The following MFSD6 variants were observed in gnomAD, a reference collection of about 807,000 sequenced individuals.
The protein encoded by MFSD6 is major facilitator superfamily domain containing 6, also known as major facilitator superfamily domain-containing protein 6.
MFSD6 carries 26 observed loss-of-function variants against 56.3 expected under a neutral mutation model. That is an observed-to-expected ratio of 0.46 (90% CI 0.34 to 0.64). MFSD6 has a LOEUF of 0.64. MFSD6 is among the 30% of genes least tolerant of loss of function. The pLI is 0.01. For missense variants in MFSD6, 750 were observed against 986.2 expected (o/e 0.76, Z 3.21); for synonymous variants, 331 against 366.9 (o/e 0.90, Z 1.12).
intron 3 of MFSD6, chr2:190,464,751 A>T (rs1204299089): frequency 1.1e-5 from 2 of 183,424 alleles, no homozygotes; most frequent in Non-Finnish European, 2.1e-5. Flanking sequence ...TTATTTGTTT[A>T]TGTGTTTGTC....
intron 4 of MFSD6, among the ~76,000 whole-genome samples, chr2:190,474,686 A>G (rs1688177927): frequency 6.6e-6 from 1 of 152,268 alleles, no homozygotes; most frequent in South Asian, 2.1e-4. Flanking sequence ...AATCAAGAGA[A>G]AAAGAGGGAA....
chr2:190,464,651 A>AG (rs1225471588), intron 3 of MFSD6, among the ~76,000 whole-genome samples: 1 of 152,058 alleles, frequency 6.6e-6, no homozygotes, highest in African/African-American at 2.4e-5. Context: ...CTTCTAACTC[A>AG]GGTGGCCTCA....
At chr2:190,449,343 G>A (rs1479355163) in intron 3 of MFSD6, among the ~76,000 whole-genome samples, 6 of 151,934 alleles carry the variant, frequency 3.9e-5, no homozygotes, top group Non-Finnish European at 2.9e-5. Context: ...GCATGGTGGC[G>A]GGCACTTGTA....
Position 190,438,021 on chromosome 2 carries a change from G to A in MFSD6, c.1532+460G>A, listed in dbSNP as rs1273754377. 6.6e-6 allele frequency among the ~76,000 whole-genome samples: 1 copy of A among 152,108 alleles called. No individual in the cohort carries two copies. Among genetic ancestry groups the A allele is most frequent in the Admixed American group, 6.5e-5 (1 of 15,282 alleles). On this transcript the variant is annotated intron_variant, in intron 3 of 7. Coordinates refer to ENST00000392328, the MANE Select transcript of MFSD6 (RefSeq NM_017694.4). This position sits in a 1 kb window ranked among gnomAD's most constrained non-coding sequence, Gnocchi z 5.2. ...AGAGCCTGAATATATGGCATCTAAA[G>A]ATGTCCATTATATCTAATAAGACTG...
At chr2:190,453,857 G>A (rs1686875260) in intron 3 of MFSD6, among the ~76,000 whole-genome samples, 2 of 152,168 alleles carry the variant, frequency 1.3e-5, no homozygotes, top group South Asian at 4.1e-4. Context: ...AACTGAGAAA[G>A]AAAACAAGAC....
In MFSD6 at chr2:190,423,192, C is replaced by G. The variant is rs1685683651; in HGVS notation, c.-54+7779C>G. ...CTTGCAAAACTATAGCATAATAGCACCATTGACATTGAGGCAGTCAAGATA... is the reference window on the plus strand; with the variant it reads ...CTTGCAAAACTATAGCATAATAGCAGCATTGACATTGAGGCAGTCAAGATA... On this transcript the variant is annotated intron_variant, in intron 2 of 7. Transcript: ENST00000392328. This position sits in a 1 kb window ranked among gnomAD's most constrained non-coding sequence, Gnocchi z 4.3. 6.6e-6 allele frequency among the ~76,000 whole-genome samples: 1 copy of G among 152,162 alleles called. No homozygotes were observed. Among genetic ancestry groups the G allele is most frequent in the Non-Finnish European group, 1.5e-5 (1 of 68,034 alleles).
chr2:190,415,759 G>A lies in MFSD6; in HGVS notation c.-54+346G>A, dbSNP rs923630673. Among the ~76,000 whole-genome samples the A allele has an allele frequency of 6.6e-6, 1 of 152,176 alleles. No homozygotes were observed. The highest frequency in any genetic ancestry group is 1.5e-5 in the Non-Finnish European group (1 of 68,032). On this transcript the variant is annotated intron_variant, in intron 2 of 7. Coordinates refer to ENST00000392328, the MANE Select transcript of MFSD6 (RefSeq NM_017694.4). This position sits in a 1 kb window ranked among gnomAD's most constrained non-coding sequence, Gnocchi z 4.5. ...TTAGACTATAGCACATTTAGGGGATGTAAGTAAAAATAACTGATGATAGTC... is the reference window on the plus strand; with the variant it reads ...TTAGACTATAGCACATTTAGGGGATATAAGTAAAAATAACTGATGATAGTC...
intron 4 of MFSD6, among the ~76,000 whole-genome samples, chr2:190,473,122 C>G (rs1262557063): frequency 1.3e-5 from 2 of 152,202 alleles, no homozygotes; most frequent in African/African-American, 4.8e-5. Context: ...GTACCAGCTA[C>G]TGCAAAAACA....
At position 190,451,171 on chromosome 2, in the gene MFSD6, G is replaced by A. The variant is rs984215123; in HGVS notation, c.1532+13610G>A. 6.6e-6 allele frequency among the ~76,000 whole-genome samples: 1 copy of A among 152,164 alleles called. No individual in the cohort carries two copies. Among genetic ancestry groups the A allele is most frequent in the Admixed American group, 6.5e-5 (1 of 15,274 alleles). On this transcript the variant is annotated intron_variant, in intron 3 of 7. Coordinates refer to ENST00000392328, the MANE Select transcript of MFSD6 (RefSeq NM_017694.4). The surrounding 1 kb of genome is among the most constrained non-coding windows in gnomAD (Gnocchi z 5.0). ...AGTGTATGTGTGTGTATATGTACATGTGTGCATTTGATCTAGATTCAAATC... is the reference window on the plus strand; with the variant it reads ...AGTGTATGTGTGTGTATATGTACATATGTGCATTTGATCTAGATTCAAATC...
chr2:190,476,928 A>G (rs1448679956), intron 4 of MFSD6, among the ~76,000 whole-genome samples: 2 of 151,920 alleles, frequency 1.3e-5, no homozygotes, highest in East Asian at 1.9e-4. Flanking sequence ...GCTGGAAACC[A>G]TCATTCTCAG....
chr2:190,471,375 T>C lies in MFSD6; in HGVS notation c.1630+1520T>C, dbSNP rs1439612587. 1.3e-5 allele frequency among the ~76,000 whole-genome samples: 2 copies of C among 152,010 alleles called. No individual in the cohort carries two copies. The highest frequency in any genetic ancestry group is 1.5e-5 in the Non-Finnish European group (1 of 67,984). ...GGGGTGAGAGATGGCACCTGGAAAA[T>C]TGGGTCACTCCCACCCTAATACTGT... On this transcript the variant is annotated intron_variant, in intron 4 of 7. Coordinates refer to ENST00000392328, the MANE Select transcript of MFSD6 (RefSeq NM_017694.4). This position sits in a 1 kb window ranked among gnomAD's most constrained non-coding sequence, Gnocchi z 4.7.
At position 190,459,071 on chromosome 2, in the gene MFSD6, T is replaced by G. The variant is rs1196895855; in HGVS notation, c.1533-10687T>G. Among the ~76,000 whole-genome samples, 1 of 152,214 alleles carries G rather than the reference T, an allele frequency of 6.6e-6. No individual in the cohort carries two copies. ...GCCCTTCCCATCCTTGAGTCTCACC[T>G]GCAGCTTTGCTTCTCCAACTCCCTA... is the stretch of plus-strand genomic sequence containing the variant. On this transcript the variant is annotated intron_variant, in intron 3 of 7. Coordinates refer to ENST00000392328, the MANE Select transcript of MFSD6 (RefSeq NM_017694.4). The surrounding 1 kb of genome is among the most constrained non-coding windows in gnomAD (Gnocchi z 5.3).
chr2:190,485,249 A>G lies in MFSD6; in HGVS notation c.1631-3408A>G, dbSNP rs1484651000. On this transcript the variant is annotated intron_variant, in intron 4 of 7. Coordinates refer to ENST00000392328, the MANE Select transcript of MFSD6 (RefSeq NM_017694.4). The surrounding 1 kb of genome is among the most constrained non-coding windows in gnomAD (Gnocchi z 5.1). ...TGTGTGTCCAAGCCTTCACACTTAAAAGAATAACTGCTAGAATTGTTTTTT... is the reference window on the plus strand; with the variant it reads ...TGTGTGTCCAAGCCTTCACACTTAAGAGAATAACTGCTAGAATTGTTTTTT... 6.6e-6 allele frequency among the ~76,000 whole-genome samples: 1 copy of G among 152,214 alleles called. No homozygotes were observed. The highest frequency in any genetic ancestry group is 1.9e-4 in the East Asian group (1 of 5,202).
At chr2:190,448,603 G>A (rs4853709) in intron 3 of MFSD6, among the ~76,000 whole-genome samples, 45,350 of 151,974 alleles carry the variant, frequency 0.3, 7,509 homozygotes, top group Admixed American at 0.46. Context: ...AAATGTTAAC[G>A]ATAAATTTTA....
intron 2 of MFSD6, among the ~76,000 whole-genome samples, chr2:190,419,255 C>T (rs1255850930): frequency 6.6e-6 from 1 of 152,158 alleles, no homozygotes; most frequent in Non-Finnish European, 1.5e-5. Context: ...TGTGTGAATA[C>T]CTAGATTCTA....
chr2:190,455,503 C>T (rs1396024283), intron 3 of MFSD6, among the ~76,000 whole-genome samples: 1 of 152,174 alleles, frequency 6.6e-6, no homozygotes, highest in African/African-American at 2.4e-5. Flanking sequence ...TTGAGTCTTG[C>T]TTCTGCAGTT....
In MFSD6 at chr2:190,444,894, C is replaced by T. The variant is rs376137083; in HGVS notation, c.1532+7333C>T. 3.3e-5 allele frequency: 27 copies of T among 830,406 alleles called. No homozygotes were observed. In the Admixed American group the frequency reaches 3.7e-4, roughly 12 times the overall value. 51.4% of individuals were successfully genotyped at this position (830,406 alleles called of 1,614,324 possible). ...TATACAAAATCATAGTAAAAAGTGA[C>T]GTTAATCTTTTTCCTTGTTTTTGCA... is the stretch of plus-strand genomic sequence containing the variant. On this transcript the variant is annotated intron_variant, in intron 3 of 7. Transcript: ENST00000392328.
In MFSD6 at chr2:190,410,107, AAGC is replaced by A. The variant is rs1270325305; in HGVS notation, c.-176+1607_-176+1609del. On this transcript the variant is annotated intron_variant, in intron 1 of 7. Transcript: ENST00000392328. The surrounding 1 kb of genome is among the most constrained non-coding windows in gnomAD (Gnocchi z 4.4). ...AAGGCAAATAAAACACAAAGACAAA[AAGC>A]AGAGTTCACAGGTATTTGGTGGTGT... Among the ~76,000 whole-genome samples the A allele has an allele frequency of 6.6e-6, 1 of 152,200 alleles. No homozygotes were observed. The highest frequency in any genetic ancestry group is 1.5e-5 in the Non-Finnish European group (1 of 68,026).
intron 3 of MFSD6, among the ~76,000 whole-genome samples, chr2:190,442,393 C>G (rs1160927272): frequency 6.6e-6 from 1 of 151,962 alleles, no homozygotes. Flanking sequence ...GGATCAGTAA[C>G]CTGAATTTCA....
Sources: gnomAD v4.1 joint callset for allele counts (sites outside exome capture counted in the v4.1 genomes callset) on GRCh38, gnomAD v4.1.1 for gene constraint, Gnocchi (gnomAD v3.1) non-coding constraint, MANE v1.5 for transcripts, NCBI Gene and HGNC (gene_info 2026-07-23, HGNC 2026-07-21) for gene names.